The following GTPBP10 variants were observed in gnomAD, a reference collection of about 807,000 sequenced individuals.
GTPBP10 encodes the protein GTP binding protein 10.
A neutral mutation model predicts 44.8 loss-of-function variants in GTPBP10; 38 were observed. The ratio of observed to expected loss-of-function variants is 0.85; its 90% CI spans 0.65 to 1.11. GTPBP10 has a LOEUF of 1.11. Among genes scored for constraint, GTPBP10 ranks in the 50% most tolerant of loss-of-function variants. GTPBP10 has a pLI of 0.00. For missense variants in GTPBP10, 462 were observed against 453.7 expected (o/e 1.02, Z -0.17); for synonymous variants, 152 against 150.6 (o/e 1.01, Z -0.07).
rs1206455420 is a variant in GTPBP10, at chr7:90,391,340, T to G, written c.*6186T>G. ...AGTACCAAACCCTATATATATTATG[T>G]TTTTTTCTATATATACACAGCTATG... is the stretch of plus-strand genomic sequence containing the variant. On this transcript the variant is annotated 3_prime_UTR_variant, in exon 10 of 10. Transcript: ENST00000222511. 6.6e-6 allele frequency: 1 copy of G among 152,108 alleles called. No homozygotes were observed. Among genetic ancestry groups the G allele is most frequent in the East Asian group, 1.9e-4 (1 of 5,180 alleles). 9.4% of individuals were successfully genotyped at this position (152,108 alleles called of 1,614,324 possible).
intron 8 of GTPBP10, among the ~76,000 whole-genome samples, chr7:90,378,967 T>C (rs976110401): frequency 6.6e-6 from 1 of 152,184 alleles, no homozygotes; most frequent in African/African-American, 2.4e-5. Flanking sequence ...CCTCCCAGAG[T>C]GTTGGGATTA....
At chr7:90,378,046 C>T (rs1796372327) in intron 7 of GTPBP10, 88 bp from the exon 8 acceptor site, 2 of 1,439,552 alleles carry the variant, frequency 1.4e-6, no homozygotes, top group Non-Finnish European at 1.9e-6. Context: ...TTGTTTTTAG[C>T]TTGAGAGAGT....
chr7:90,372,902 A>T (rs1198063496), intron 5 of GTPBP10, among the ~76,000 whole-genome samples: 1 of 152,176 alleles, frequency 6.6e-6, no homozygotes, highest in Non-Finnish European at 1.5e-5. Flanking sequence ...TTTGTAGACT[A>T]GTGGAGTAAG....
At position 90,355,140 on chromosome 7, in the gene GTPBP10, GTAAATTACT is replaced by G. The variant is rs1795870846; in HGVS notation, c.377_385del (p.Lys126_Leu128del). 6.2e-7 allele frequency: 1 copy of G among 1,603,508 alleles called. No individual in the cohort carries two copies. The highest frequency in any genetic ancestry group is 1.3e-5 in the African/African-American group (1 of 74,592). ...TTGGTAGCTCAAGGAGGTCTTGGTG[GTAAATTACT>G]TACAAATTTCTTACCATTGAAAGGC... On this transcript the variant is annotated inframe_deletion, in exon 4 of 10. Transcript: ENST00000222511.
chr7:90,348,508 T>C (rs542206977), intron 1 of GTPBP10, among the ~76,000 whole-genome samples: 1 of 152,162 alleles, frequency 6.6e-6, no homozygotes, highest in Non-Finnish European at 1.5e-5. Context: ...AGGGAAAATA[T>C]ATTTACTGTT....
rs770150410 is a variant in GTPBP10 at position 90,382,986 on chromosome 7, A to G, written c.808A>G (p.Thr270Ala). ...GGAATTGTACAAAGAGGAACTTCAG[A>G]CAAAACCTGCACTCTTGGCAGTTAA... ...ELELYKEELQ[T>A]KPALLAVNKM... is the part of the protein sequence containing the mutation. The change falls in exon 9 of 10, where the codon ACA becomes GCA. Residue 270 changes from threonine (T) to alanine (A), a missense_variant. Transcript: ENST00000222511. 6.3e-7 allele frequency: 1 copy of G among 1,590,812 alleles called. No individual in the cohort carries two copies. The highest frequency in any genetic ancestry group is 1.2e-5 in the South Asian group (1 of 86,148).
intron 4 of GTPBP10, among the ~76,000 whole-genome samples, chr7:90,366,491 C>G (rs1282224107): frequency 1.3e-5 from 2 of 151,990 alleles, no homozygotes; most frequent in Non-Finnish European, 2.9e-5. Context: ...CAAATTCTTC[C>G]TGTTTTAGTC....
rs1277880071 is a variant in GTPBP10, at chr7:90,390,660, T to C, written c.*5506T>C. ...TATGGCATGATAGTATTTTCTTATCTAAATTCTGAGTGCATTGAAAGTTTA... is the reference window on the plus strand; with the variant it reads ...TATGGCATGATAGTATTTTCTTATCCAAATTCTGAGTGCATTGAAAGTTTA... On this transcript the variant is annotated 3_prime_UTR_variant, in exon 10 of 10. Coordinates refer to ENST00000222511, the MANE Select transcript of GTPBP10 (RefSeq NM_033107.4). The C allele has an allele frequency of 6.6e-6, 1 of 152,188 alleles. No homozygotes were observed. Among genetic ancestry groups the C allele is most frequent in the Non-Finnish European group, 1.5e-5 (1 of 68,016 alleles). 9.4% of individuals were successfully genotyped at this position (152,188 alleles called of 1,614,324 possible).
chr7:90,365,954 T>C (rs80297874), intron 4 of GTPBP10, among the ~76,000 whole-genome samples: 16,150 of 152,252 alleles, frequency 0.11, 1,062 homozygotes, highest in Non-Finnish European at 0.15. Context: ...ACCTAGTGTT[T>C]TGAGAGTTTT....
intron 4 of GTPBP10, among the ~76,000 whole-genome samples, chr7:90,361,106 C>G (rs1165868099): frequency 6.6e-6 from 1 of 152,112 alleles, no homozygotes; most frequent in Non-Finnish European, 1.5e-5. Context: ...TCCTCTTTTC[C>G]TAATTGAATA....
intron 4 of GTPBP10, among the ~76,000 whole-genome samples, chr7:90,367,415 A>G (rs947142249): frequency 6.6e-6 from 1 of 152,140 alleles, no homozygotes; most frequent in African/African-American, 2.4e-5. Context: ...GTGGGAGTCT[A>G]AGTCTCTTTG....
At chr7:90,361,957 C>A (rs1443479146) in intron 4 of GTPBP10, among the ~76,000 whole-genome samples, 6 of 152,184 alleles carry the variant, frequency 3.9e-5, no homozygotes, top group Admixed American at 2.0e-4. Context: ...GTTTGTATTT[C>A]TGTGGGATCA....
chr7:90,374,177 C>T, intron 5 of GTPBP10, 125 bp from the exon 6 acceptor site: 1 of 725,824 alleles, frequency 1.4e-6, no homozygotes, highest in East Asian at 2.6e-5. Context: ...ATAATAGTTT[C>T]CATTTTAGCA....
intron 4 of GTPBP10, among the ~76,000 whole-genome samples, chr7:90,369,047 G>T (rs1269551690): frequency 6.6e-6 from 1 of 152,192 alleles, no homozygotes; most frequent in African/African-American, 2.4e-5. Context: ...TAACAGTCGG[G>T]CTTCTTCGCT....
intron 4 of GTPBP10, among the ~76,000 whole-genome samples, chr7:90,363,273 C>T (rs1358823466): frequency 2.6e-5 from 4 of 152,068 alleles, no homozygotes; most frequent in Non-Finnish European, 4.4e-5. Context: ...TGGCTGGTAC[C>T]GGTTGTTCCT....
chr7:90,359,475 C>CT (rs1417128881), intron 4 of GTPBP10, among the ~76,000 whole-genome samples: 1 of 152,136 alleles, frequency 6.6e-6, no homozygotes, highest in Non-Finnish European at 1.5e-5. Flanking sequence ...ATGAACTCAT[C>CT]TTTTTTTATG....
chr7:90,369,152 A>G (rs1562958184), intron 4 of GTPBP10, among the ~76,000 whole-genome samples: 1 of 152,076 alleles, frequency 6.6e-6, no homozygotes, highest in African/African-American at 2.4e-5. Context: ...TTGCTGCCTG[A>G]TTTTTGCTCT....
intron 4 of GTPBP10, among the ~76,000 whole-genome samples, chr7:90,371,824 G>T (rs947043265): frequency 2.0e-5 from 3 of 152,002 alleles, no homozygotes; most frequent in Admixed American, 1.3e-4. Flanking sequence ...GTAATGTTTT[G>T]TCAGTGTATA....
chr7:90,382,895 A>G, intron 8 of GTPBP10, 61 bp from the exon 9 acceptor site: 2 of 1,198,370 alleles, frequency 1.7e-6, no homozygotes, highest in Non-Finnish European at 2.3e-6. Context: ...TTAATTACCA[A>G]ATAAGTAGTT....
Sources: gnomAD v4.1 joint callset for allele counts (sites outside exome capture counted in the v4.1 genomes callset) on GRCh38, gnomAD v4.1.1 for gene constraint, MANE v1.5 for transcripts, NCBI Gene and HGNC (gene_info 2026-07-23, HGNC 2026-07-21) for gene names.